Variants in MAGI1 observed in about 807,000 individuals in gnomAD.
MAGI1 encodes the protein membrane-associated guanylate kinase, WW and PDZ domain-containing protein 1.
MAGI1 carries 58 observed loss-of-function variants against 139.9 expected under a neutral mutation model. That is an observed-to-expected ratio of 0.41 (90% confidence interval 0.34 to 0.52). The LOEUF is 0.52. MAGI1 is among the 20% of genes least tolerant of loss of function. The pLI, the probability that MAGI1 is intolerant of heterozygous loss-of-function variation, is 0.12. For missense variants in MAGI1, 1,874 were observed against 1,901.6 expected, an observed-to-expected ratio of 0.99 and a Z score of 0.27; for synonymous variants, 812 against 737.9, an observed-to-expected ratio of 1.10 and a Z score of -1.63.
intron 1 of MAGI1, among the ~76,000 whole-genome samples, chr3:65,810,699 A>G (rs1161179812): frequency 6.6e-6 from 1 of 152,218 alleles, no homozygotes; most frequent in African/African-American, 2.4e-5. Context: ...TTCTGCAATC[A>G]GCCAGCGAGG....
chr3:65,696,779 A>C (rs899034493), intron 1 of MAGI1, among the ~76,000 whole-genome samples: 1 of 152,194 alleles, frequency 6.6e-6, no homozygotes, highest in African/African-American at 2.4e-5. Flanking sequence ...GAAAAGCCAA[A>C]CCCTTACAAA....
At chr3:65,884,744 C>T (rs867518067) in intron 1 of MAGI1, among the ~76,000 whole-genome samples, 1 of 152,156 alleles carries the variant, frequency 6.6e-6, no homozygotes, top group African/African-American at 2.4e-5. Context: ...CTTCCTCCAT[C>T]TCTCCATCCC....
At chr3:65,649,464 A>G (rs560970932) in intron 1 of MAGI1, among the ~76,000 whole-genome samples, 2 of 152,260 alleles carry the variant, frequency 1.3e-5, no homozygotes, top group South Asian at 4.1e-4. Context: ...TGACAACAAA[A>G]CCATAATCCA....
At chr3:65,867,004 A>T (rs1468633810) in intron 1 of MAGI1, among the ~76,000 whole-genome samples, 11 of 152,130 alleles carry the variant, frequency 7.2e-5, no homozygotes, top group Admixed American at 7.2e-4. Context: ...GAAGCTGAAG[A>T]CCTAGATGTC....
chr3:65,928,964 G>C (rs72906978), intron 1 of MAGI1, among the ~76,000 whole-genome samples: 167 of 152,156 alleles, frequency 1.1e-3, no homozygotes, highest in African/African-American at 3.9e-3. Flanking sequence ...GACATAAGAG[G>C]CTATCATTGA....
At chr3:65,592,628 T>C (rs1020390133) in intron 2 of MAGI1, among the ~76,000 whole-genome samples, 7 of 152,234 alleles carry the variant, frequency 4.6e-5, no homozygotes, top group Admixed American at 4.6e-4. Context: ...AAAAAAGCTA[T>C]GTGCATATAT....
intron 1 of MAGI1, among the ~76,000 whole-genome samples, chr3:65,811,676 A>G (rs935577419): frequency 3.3e-5 from 5 of 152,058 alleles, no homozygotes; most frequent in African/African-American, 9.7e-5. Context: ...GCAAAAATAA[A>G]TAAATAAATA....
At chr3:66,008,283 G>T (rs565963403) in intron 1 of MAGI1, among the ~76,000 whole-genome samples, 1 of 152,188 alleles carries the variant, frequency 6.6e-6, no homozygotes, top group Non-Finnish European at 1.5e-5. Context: ...CCCAACCTGG[G>T]CCTACTGAAT....
chr3:65,505,637 AAATAAT>A (rs142787163), intron 2 of MAGI1, among the ~76,000 whole-genome samples: 26 of 144,388 alleles, frequency 1.8e-4, no homozygotes, highest in South Asian at 1.1e-3. Flanking sequence ...ACAAAGTCTA[AAATAAT>A]AATAATAATA....
At chr3:65,445,667 C>T (rs1948632006) in intron 7 of MAGI1, among the ~76,000 whole-genome samples, 1 of 152,136 alleles carries the variant, frequency 6.6e-6, no homozygotes, top group Non-Finnish European at 1.5e-5. Flanking sequence ...GAAGGTTCTG[C>T]AGGTGCTTTT....
chr3:65,661,745 G>GTTTTTTTTTTTTTTTTTTT lies in MAGI1; in HGVS notation c.314-39676_314-39658dup, dbSNP rs11369893. 3.7e-4 allele frequency among the ~76,000 whole-genome samples: 35 copies of GTTTTTTTTTTTTTTTTTTT among 93,910 alleles called. 3 individuals carry two copies. The highest frequency in any genetic ancestry group is 7.2e-4 in the African/African-American group (17 of 23,656). The allele number at this position is 93,910 out of a possible 152,430, so 61.6% of individuals were successfully genotyped here. A position where few individuals can be genotyped will look rare whatever the true frequency, so the allele number is the denominator to read the frequency against. On this transcript the variant is annotated intron_variant, in intron 1 of 22. Transcript: ENST00000402939. ...TTTTTTTGTTGTTTTGTTTTTTTCT[G>GTTTTTTTTTTTTTTTTTTT]TTTTTTTTTTTTTTTTTTTTGAGAT... is the stretch of plus-strand genomic sequence containing the variant.
At chr3:65,620,583 A>G (rs146395461) in intron 2 of MAGI1, among the ~76,000 whole-genome samples, 20 of 152,340 alleles carry the variant, frequency 1.3e-4, no homozygotes, top group Non-Finnish European at 2.5e-4. Context: ...TGTGATTAGC[A>G]TTAGGAATTA....
At chr3:65,428,481 G>A (rs554832477) in intron 12 of MAGI1, among the ~76,000 whole-genome samples, 1 of 152,154 alleles carries the variant, frequency 6.6e-6, no homozygotes, top group Non-Finnish European at 1.5e-5. Context: ...GAATAACCCA[G>A]ATCTCTGAGA....
intron 2 of MAGI1, among the ~76,000 whole-genome samples, chr3:65,501,796 G>A (rs993184374): frequency 1.3e-5 from 2 of 152,124 alleles, no homozygotes. Context: ...AAAACTTTAT[G>A]AAAACAACCA....
chr3:65,686,292 T>C (rs1329511427), intron 1 of MAGI1, among the ~76,000 whole-genome samples: 1 of 151,410 alleles, frequency 6.6e-6, no homozygotes, highest in African/African-American at 2.4e-5. Context: ...GGGGTGTTTT[T>C]TTGTTTGTTT....
chr3:65,474,382 C>T (rs953439936), intron 4 of MAGI1, among the ~76,000 whole-genome samples: 17 of 152,126 alleles, frequency 1.1e-4, no homozygotes, highest in Non-Finnish European at 7.4e-5. Flanking sequence ...AATACTGGAA[C>T]AAGATGGAAT....
At chr3:65,368,563 C>A (rs184439511) in intron 18 of MAGI1, among the ~76,000 whole-genome samples, 3 of 152,298 alleles carry the variant, frequency 2.0e-5, no homozygotes, top group East Asian at 1.9e-4. Flanking sequence ...ATATCCTCAG[C>A]CTCCCCTTAC....
chr3:65,731,050 G>C (rs2034137021), intron 1 of MAGI1, among the ~76,000 whole-genome samples: 1 of 152,008 alleles, frequency 6.6e-6, no homozygotes. Flanking sequence ...TAACTCAAAA[G>C]GTAACCACCG....
chr3:65,825,457 G>A (rs2042170982), intron 1 of MAGI1, among the ~76,000 whole-genome samples: 1 of 152,122 alleles, frequency 6.6e-6, no homozygotes, highest in Admixed American at 6.6e-5. Flanking sequence ...CAACCATGGT[G>A]GATACATTGA....
Sources: gnomAD v4.1 joint callset for allele counts (sites outside exome capture counted in the v4.1 genomes callset) on GRCh38, gnomAD v4.1.1 for gene constraint, MANE v1.5 for transcripts, NCBI Gene and HGNC (gene_info 2026-07-23, HGNC 2026-07-21) for gene names.